OSBPL10: variants seen among roughly 807,000 people sequenced by gnomAD.
OSBPL10 encodes oxysterol binding protein like 10, also known as oxysterol-binding protein-related protein 10.
Under a neutral mutation model 81.7 loss-of-function variants are expected in OSBPL10, and 49 were observed. The ratio of observed to expected loss-of-function variants is 0.60; its 90% CI spans 0.48 to 0.76. The LOEUF is 0.76. Ranked by LOEUF, OSBPL10 falls within the 30% of genes least tolerant of loss-of-function variation. OSBPL10 has a pLI of 0.00. For missense variants in OSBPL10, 923 were observed against 987.8 expected, an observed-to-expected ratio of 0.93 and a Z score of 0.88; for synonymous variants, 419 against 383.6, an observed-to-expected ratio of 1.09 and a Z score of -1.08.
intron 3 of OSBPL10, 130 bp downstream of exon 3, chr3:31,876,303 A>C: frequency 1.4e-6 from 1 of 717,064 alleles, no homozygotes; most frequent in Non-Finnish European, 2.4e-6. Flanking sequence ...CAGCAGGACA[A>C]GTAGGAATTC....
chr3:31,704,046 A>G (rs942191193), intron 6 of OSBPL10: 1 of 152,306 alleles, frequency 6.6e-6, no homozygotes, highest in Admixed American at 6.5e-5. Context: ...ACAGGAGCCC[A>G]GCACTTACAG....
intron 1 of OSBPL10, among the ~76,000 whole-genome samples, chr3:31,890,953 A>C (rs1047555610): frequency 6.6e-6 from 1 of 152,078 alleles, no homozygotes; most frequent in African/African-American, 2.4e-5. Flanking sequence ...ATACTAGCTA[A>C]AGCCCTGGGG....
chr3:31,821,014 A>G (rs1203443275), intron 4 of OSBPL10, among the ~76,000 whole-genome samples: 2 of 152,156 alleles, frequency 1.3e-5, no homozygotes, highest in African/African-American at 4.8e-5. Context: ...ATAAACACAT[A>G]AACAAATACC....
At chr3:31,842,956 G>A (rs760856535) in intron 3 of OSBPL10, among the ~76,000 whole-genome samples, 5 of 152,238 alleles carry the variant, frequency 3.3e-5, no homozygotes, top group East Asian at 1.9e-4. Flanking sequence ...TTTAGATACA[G>A]GAGGTGGCTA....
intron 4 of OSBPL10, among the ~76,000 whole-genome samples, chr3:31,759,859 A>T (rs1245933691): frequency 6.6e-6 from 1 of 152,166 alleles, no homozygotes; most frequent in Admixed American, 6.5e-5. Flanking sequence ...TCCTGGGTTC[A>T]AGTAATTCTC....
rs181220516 is a variant in OSBPL10, at chr3:31,955,322, T to C, written c.281+25577A>G. Among the ~76,000 whole-genome samples, 17 of 152,336 alleles carry C rather than the reference T, an allele frequency of 1.1e-4. No homozygotes were observed. In the East Asian group the frequency reaches 3.1e-3, roughly 28 times the overall value. The stretch of plus-strand genomic sequence containing the variant: ...GGTAGGCATATCATCATTTTATAGA[T>C]AAGCAAACTGAAACTCAGAATGGTG... On this transcript the variant is annotated intron_variant, in intron 1 of 11. Coordinates refer to ENST00000396556, the MANE Select transcript of OSBPL10 (RefSeq NM_017784.5).
At chr3:31,993,144 AAATGCAG>A (rs1207545283) in intron 2 of OSBPL10, among the ~76,000 whole-genome samples, 2 of 151,960 alleles carry the variant, frequency 1.3e-5, no homozygotes, top group African/African-American at 4.8e-5. Context: ...AGAACCCTCA[AAATGCAG>A]AAGTAAGAAA....
At chr3:31,754,432 G>C (rs115630319) in intron 4 of OSBPL10, among the ~76,000 whole-genome samples, 1,912 of 152,258 alleles carry the variant, frequency 0.013, 20 homozygotes, top group Non-Finnish European at 0.022. Context: ...AGTGGAGAGA[G>C]GGTGCTGGCT....
chr3:32,035,167 C>T (rs899950402), intron 2 of OSBPL10, among the ~76,000 whole-genome samples: 5 of 152,070 alleles, frequency 3.3e-5, no homozygotes, highest in Non-Finnish European at 7.4e-5. Flanking sequence ...TCTGAGCCTA[C>T]TCTGGTTTGG....
At chr3:31,672,670 C>T (rs1332314744) in intron 8 of OSBPL10, among the ~76,000 whole-genome samples, 2 of 152,144 alleles carry the variant, frequency 1.3e-5, no homozygotes, top group African/African-American at 4.8e-5. Flanking sequence ...GAACCAGCAA[C>T]ATCACTCTCA....
intron 11 of OSBPL10, chr3:31,663,150 G>A (rs543577055): frequency 1.0e-6 from 1 of 985,452 alleles, no homozygotes; most frequent in Admixed American, 6.1e-5. Context: ...TGTAGCAGAA[G>A]TCAGGGGTTA....
At chr3:32,065,156 C>A (rs1699768804) in intron 1 of OSBPL10, 1 of 92,964 alleles carries the variant, frequency 1.1e-5, no homozygotes, top group African/African-American at 2.8e-5. Context: ...ATGGAACACT[C>A]CACTCTCTGA....
At chr3:31,739,304 G>A (rs1405603456) in intron 5 of OSBPL10, among the ~76,000 whole-genome samples, 1 of 152,086 alleles carries the variant, frequency 6.6e-6, no homozygotes, top group Non-Finnish European at 1.5e-5. Flanking sequence ...AGGAAAGGAC[G>A]AAGGGAGAAA....
chr3:31,840,514 C>T (rs1700465841), intron 3 of OSBPL10, among the ~76,000 whole-genome samples: 1 of 152,154 alleles, frequency 6.6e-6, no homozygotes, highest in Non-Finnish European at 1.5e-5. Context: ...GGAATAAATC[C>T]CACTAATTAC....
intron 7 of OSBPL10, among the ~76,000 whole-genome samples, chr3:31,692,600 TA>T (rs1695590520): frequency 6.6e-6 from 1 of 152,128 alleles, no homozygotes; most frequent in African/African-American, 2.4e-5. Flanking sequence ...AACAATTGTA[TA>T]AGACAAAAAC....
At chr3:31,861,761 G>A (rs1477822161) in intron 3 of OSBPL10, among the ~76,000 whole-genome samples, 2 of 152,042 alleles carry the variant, frequency 1.3e-5, no homozygotes, top group East Asian at 1.9e-4. Flanking sequence ...AACTCAGGCC[G>A]GTCTTCCTGG....
intron 1 of OSBPL10, among the ~76,000 whole-genome samples, chr3:31,881,721 G>A (rs1695585209): frequency 6.6e-6 from 1 of 152,090 alleles, no homozygotes; most frequent in African/African-American, 2.4e-5. Flanking sequence ...GAGTTGTTTA[G>A]ACATAAATAT....
At chr3:31,728,930 T>C (rs553308957) in intron 6 of OSBPL10, among the ~76,000 whole-genome samples, 2 of 152,328 alleles carry the variant, frequency 1.3e-5, no homozygotes, top group African/African-American at 2.4e-5. Flanking sequence ...TCCAAAATAC[T>C]CCAAGGAGCA....
At chr3:31,824,161 C>T (rs1700046181) in intron 4 of OSBPL10, among the ~76,000 whole-genome samples, 1 of 152,060 alleles carries the variant, frequency 6.6e-6, no homozygotes, top group Non-Finnish European at 1.5e-5. Context: ...CGCCCTGCCC[C>T]TTTTTTAATT....
Sources: allele counts gnomAD v4.1 joint callset (sites outside exome capture counted in the v4.1 genomes callset), GRCh38; gene constraint gnomAD v4.1.1; transcripts MANE v1.5; gene names NCBI Gene and HGNC (gene_info 2026-07-23, HGNC 2026-07-21).